PPP1R14C: variants seen among roughly 807,000 people sequenced by gnomAD.
The protein encoded by PPP1R14C is protein phosphatase 1 regulatory subunit 14C.
PPP1R14C carries 16 observed loss-of-function variants against 20.4 expected under a neutral mutation model. The ratio of observed to expected loss-of-function variants is 0.78; its 90% confidence interval spans 0.53 to 1.19. The LOEUF is 1.19. Among genes scored for constraint, PPP1R14C ranks in the 50% most tolerant of loss-of-function variants. PPP1R14C has a pLI of 0.00. For synonymous variants in PPP1R14C, 91 were observed against 91.0 expected (o/e 1.00, Z 0.00); for missense variants, 211 against 220.1 (o/e 0.96, Z 0.26).
chr6:150,247,982 A>T (rs1778513910), intron 3 of PPP1R14C, among the ~76,000 whole-genome samples: 1 of 152,166 alleles, frequency 6.6e-6, no homozygotes, highest in Non-Finnish European at 1.5e-5. Context: ...GGAGGCTGGG[A>T]AGTCCAAGAG....
chr6:150,160,343 C>A (rs1351546171), intron 1 of PPP1R14C, among the ~76,000 whole-genome samples: 1 of 142,804 alleles, frequency 7.0e-6, no homozygotes, highest in Non-Finnish European at 1.5e-5. Context: ...CGGCTCACTG[C>A]AAGCTCCACC....
In PPP1R14C at chr6:150,143,372, G is replaced by T; in HGVS notation, c.180G>T (p.Gln60His). The T allele has an allele frequency of 6.2e-7, 1 of 1,611,542 alleles. No homozygotes were observed. Among genetic ancestry groups the T allele is most frequent in the South Asian group, 1.1e-5 (1 of 90,710 alleles). ...VATAAAAGQV[Q>H]QQQQRRHQQG... ...CGGCGGCCGCTGCAGGGCAGGTTCAGCAGCAACAGCAGCGGCGACACCAGC... is the reference window on the plus strand; with the variant it reads ...CGGCGGCCGCTGCAGGGCAGGTTCATCAGCAACAGCAGCGGCGACACCAGC... Residue 60 changes from glutamine (Q) to histidine (H), a missense_variant, in exon 1 of 4, where the codon CAG becomes CAT. Transcript: ENST00000361131. The surrounding 1 kb of genome is among the most constrained non-coding windows in gnomAD (Gnocchi z 5.6).
intron 1 of PPP1R14C, among the ~76,000 whole-genome samples, chr6:150,183,581 G>A (rs528367356): frequency 6.6e-6 from 1 of 151,482 alleles, no homozygotes; most frequent in South Asian, 2.1e-4. Flanking sequence ...GTGCGATCTC[G>A]GCTCACTGCA....
At chr6:150,225,173 A>G (rs988127057) in intron 3 of PPP1R14C, among the ~76,000 whole-genome samples, 20 of 152,232 alleles carry the variant, frequency 1.3e-4, no homozygotes, top group Admixed American at 5.2e-4. Context: ...AGAAGAAGAA[A>G]AAGAAGAAGA....
At chr6:150,237,237 T>C (rs991766564) in intron 3 of PPP1R14C, among the ~76,000 whole-genome samples, 20 of 152,136 alleles carry the variant, frequency 1.3e-4, no homozygotes, top group African/African-American at 4.8e-4. Flanking sequence ...GGAGTGTTGC[T>C]CTGTTACCCA....
chr6:150,247,517 T>C (rs1778507040), intron 3 of PPP1R14C, among the ~76,000 whole-genome samples: 1 of 152,204 alleles, frequency 6.6e-6, no homozygotes, highest in Non-Finnish European at 1.5e-5. Context: ...ATGAAATCCT[T>C]TTAGTGAGTC....
chr6:150,146,692 G>A (rs983915028), intron 1 of PPP1R14C, among the ~76,000 whole-genome samples: 3 of 152,172 alleles, frequency 2.0e-5, no homozygotes, highest in Admixed American at 6.5e-5. Context: ...GTCCCCCTAG[G>A]CCAGAACAGA....
chr6:150,191,576 G>C (rs1052097158), intron 1 of PPP1R14C, among the ~76,000 whole-genome samples: 1 of 152,218 alleles, frequency 6.6e-6, no homozygotes, highest in African/African-American at 2.4e-5. Flanking sequence ...CTTCATTTAA[G>C]CACCATAGAT....
At chr6:150,223,616 A>G (rs780205662) in intron 3 of PPP1R14C, among the ~76,000 whole-genome samples, 3 of 152,118 alleles carry the variant, frequency 2.0e-5, no homozygotes, top group Non-Finnish European at 4.4e-5. Context: ...GAAACTTTTC[A>G]TATGCTTATT....
At chr6:150,241,987 T>C (rs1180659297) in intron 3 of PPP1R14C, among the ~76,000 whole-genome samples, 2 of 152,206 alleles carry the variant, frequency 1.3e-5, no homozygotes, top group Non-Finnish European at 2.9e-5. Flanking sequence ...CCCACCCACA[T>C]TTTGGTGACA....
intron 1 of PPP1R14C, among the ~76,000 whole-genome samples, chr6:150,204,332 T>A (rs561685189): frequency 2.6e-5 from 4 of 152,186 alleles, no homozygotes; most frequent in African/African-American, 4.8e-5. Context: ...CAGAGCAAAG[T>A]GTGATTGTCT....
At position 150,248,958 on chromosome 6, in the gene PPP1R14C, T is replaced by TG. The variant is rs146050881; in HGVS notation, c.*145dup. ...TTTTTTTTCTTTTTTGGTGTGAAGG[T>TG]GGGGGGGTCTATTAGACATTTATTC... On this transcript the variant is annotated 3_prime_UTR_variant, in exon 4 of 4. Coordinates refer to ENST00000361131, the MANE Select transcript of PPP1R14C (RefSeq NM_030949.3). 42 of 511,620 alleles carry TG rather than the reference T, an allele frequency of 8.2e-5. No individual in the cohort carries two copies. The highest frequency in any genetic ancestry group is 1.1e-4 in the Non-Finnish European group (31 of 293,162). 31.7% of individuals were successfully genotyped at this position (511,620 alleles called of 1,614,324 possible).
intron 1 of PPP1R14C, among the ~76,000 whole-genome samples, chr6:150,144,064 C>G (rs1777154969): frequency 6.6e-6 from 1 of 152,222 alleles, no homozygotes; most frequent in East Asian, 1.9e-4. Flanking sequence ...TCCAGCCAGC[C>G]CCGACGGTGT....
intron 3 of PPP1R14C, among the ~76,000 whole-genome samples, chr6:150,239,038 C>G (rs1474944398): frequency 1.3e-5 from 2 of 152,108 alleles, no homozygotes; most frequent in Non-Finnish European, 2.9e-5. Flanking sequence ...CCTCACCCAT[C>G]CTATTAGCCA....
chr6:150,187,507 G>T (rs1303430833), intron 1 of PPP1R14C, among the ~76,000 whole-genome samples: 2 of 151,974 alleles, frequency 1.3e-5, no homozygotes, highest in Non-Finnish European at 2.9e-5. Flanking sequence ...GTGTCCATGT[G>T]TTCTCATCTT....
chr6:150,213,260 C>G (rs1778049497), intron 1 of PPP1R14C, among the ~76,000 whole-genome samples: 1 of 151,860 alleles, frequency 6.6e-6, no homozygotes, highest in Non-Finnish European at 1.5e-5. Context: ...CCATTGAGGG[C>G]CTGTTCTTGG....
At chr6:150,174,496 G>A (rs549170380) in intron 1 of PPP1R14C, among the ~76,000 whole-genome samples, 34 of 151,844 alleles carry the variant, frequency 2.2e-4, no homozygotes, top group Admixed American at 1.2e-3. Context: ...GATTACAGGC[G>A]TGAGCCACCA....
chr6:150,194,916 A>G (rs1252590811), intron 1 of PPP1R14C: 9 of 985,334 alleles, frequency 9.1e-6, no homozygotes, highest in Non-Finnish European at 1.1e-5. Flanking sequence ...GTTCATAAAT[A>G]TGACAGTTGA....
At chr6:150,194,996 T>G in intron 1 of PPP1R14C, 1 of 985,272 alleles carries the variant, frequency 1.0e-6, no homozygotes, top group Non-Finnish European at 1.2e-6. Flanking sequence ...TGTCTGCTTT[T>G]GCTTTGTACT....
Sources: allele counts gnomAD v4.1 joint callset (sites outside exome capture counted in the v4.1 genomes callset), GRCh38; gene constraint gnomAD v4.1.1; non-coding constraint Gnocchi (gnomAD v3.1); transcripts MANE v1.5; gene names NCBI Gene and HGNC (gene_info 2026-07-23, HGNC 2026-07-21).